KIZ: variants seen among roughly 807,000 people sequenced by gnomAD.
KIZ encodes the protein kizuna centrosomal protein.
KIZ carries 68 observed loss-of-function variants against 79.6 expected under a neutral mutation model. That is an observed-to-expected ratio of 0.85 (90% CI 0.70 to 1.05). KIZ has a LOEUF of 1.05. Among genes scored for constraint, KIZ ranks in the 50% least tolerant of loss-of-function variants. The pLI is 0.00. For synonymous variants in KIZ, 280 were observed against 281.8 expected, an observed-to-expected ratio of 0.99 and a Z score of 0.06; for missense variants, 797 against 800.4, an observed-to-expected ratio of 1.00 and a Z score of 0.05.
intron 3 of KIZ, among the ~76,000 whole-genome samples, chr20:21,136,813 A>G (rs1486305929): frequency 1.3e-5 from 2 of 152,206 alleles, no homozygotes; most frequent in African/African-American, 4.8e-5. Context: ...TAAAATGAGA[A>G]ATAATGAGTA....
At chr20:21,164,989 T>A (rs1029047901) in intron 6 of KIZ, among the ~76,000 whole-genome samples, 10 of 152,178 alleles carry the variant, frequency 6.6e-5, no homozygotes, top group African/African-American at 2.4e-4. Context: ...ACATCACCAC[T>A]GCATTTGAGG....
Position 21,214,542 on chromosome 20 carries a change from C to T in KIZ, c.1454C>T (p.Ala485Val). ...TTTTTTGAAACACTGTAGGCAACAG[C>T]ATTATTGAGAAAAGCCCTTACAGAA... ...HDNSVKEEAT[A>V]LLRKALTEEC... Residue 485 changes from alanine to valine, a missense_variant, in exon 8 of 13, where the codon GCA (alanine) becomes GTA (valine). By Grantham distance (64) the Ala-to-Val change is moderately conservative (BLOSUM62 0). Transcript: ENST00000619189. The T allele has an allele frequency of 1.2e-6, 2 of 1,612,510 alleles. No homozygotes were observed. Among genetic ancestry groups the T allele is most frequent in the Admixed American group, 1.7e-5 (1 of 59,960 alleles).
chr20:21,159,493 G>A (rs1000452857), intron 4 of KIZ, among the ~76,000 whole-genome samples: 5 of 151,860 alleles, frequency 3.3e-5, no homozygotes, highest in South Asian at 2.1e-4. Context: ...ACCTCCCCCC[G>A]ATTCCTTCTA....
chr20:21,175,128 C>G (rs1316928453), intron 6 of KIZ, among the ~76,000 whole-genome samples: 1 of 152,206 alleles, frequency 6.6e-6, no homozygotes, highest in African/African-American at 2.4e-5. Context: ...CAAAGTAAGG[C>G]TATGCATTAT....
intron 9 of KIZ, among the ~76,000 whole-genome samples, chr20:21,221,101 G>T (rs2036489334): frequency 6.6e-6 from 1 of 152,118 alleles, no homozygotes; most frequent in Admixed American, 6.5e-5. Context: ...AAACACTCAG[G>T]CCATGAGGAA....
At chr20:21,184,734 C>T (rs1358307836) in intron 6 of KIZ, among the ~76,000 whole-genome samples, 1 of 152,154 alleles carries the variant, frequency 6.6e-6, no homozygotes, top group Non-Finnish European at 1.5e-5. Flanking sequence ...GAAAGTTAAG[C>T]AGGAAATAAG....
At chr20:21,165,032 C>T (rs987513185) in intron 6 of KIZ, among the ~76,000 whole-genome samples, 12 of 152,246 alleles carry the variant, frequency 7.9e-5, no homozygotes, top group South Asian at 2.1e-4. Flanking sequence ...GTTTAACTGG[C>T]GCTCTTCTCC....
chr20:21,156,057 C>G (rs147757212), intron 4 of KIZ, among the ~76,000 whole-genome samples: 2 of 152,178 alleles, frequency 1.3e-5, no homozygotes, highest in Non-Finnish European at 2.9e-5. Flanking sequence ...TTCCTCAGTA[C>G]TGGGGGGTTA....
intron 4 of KIZ, among the ~76,000 whole-genome samples, chr20:21,153,046 C>T (rs755524772): frequency 5.6e-4 from 85 of 152,254 alleles, no homozygotes; most frequent in Non-Finnish European, 9.6e-4. Context: ...CATTGGAGTC[C>T]TGGTATCTGA....
At chr20:21,246,340 C>T in intron 12 of KIZ, 139 bp from the exon 13 acceptor site, 2 of 652,742 alleles carry the variant, frequency 3.1e-6, no homozygotes, top group Non-Finnish European at 5.5e-6. Context: ...TGTGTCTGGT[C>T]AGGTACATCA....
rs558783407 is a variant in KIZ, at chr20:21,130,451, G to T, written c.90-1646G>T. 1.1e-4 allele frequency among the ~76,000 whole-genome samples: 17 copies of T among 152,224 alleles called. No homozygotes were observed. In the South Asian group the frequency reaches 3.3e-3, roughly 30 times the overall value. On this transcript the variant is annotated intron_variant, in intron 1 of 12. Coordinates refer to ENST00000619189, the MANE Select transcript of KIZ (RefSeq NM_018474.6). Reference sequence around the variant, plus strand: ...CAGTCATTCATTCTGCATGAACCAAGTACCCAATTGATCATGAAACTCTAG... The same window carrying T: ...CAGTCATTCATTCTGCATGAACCAATTACCCAATTGATCATGAAACTCTAG...
At chr20:21,145,522 T>C in intron 3 of KIZ, 43 bp from the exon 4 acceptor site, 1 of 970,470 alleles carries the variant, frequency 1.0e-6, no homozygotes, top group Non-Finnish European at 1.6e-6. Context: ...AGGTGCTAGT[T>C]GTAAAAATAT....
At chr20:21,128,738 T>TA (rs1446412235) in intron 1 of KIZ, among the ~76,000 whole-genome samples, 2 of 152,216 alleles carry the variant, frequency 1.3e-5, no homozygotes, top group African/African-American at 4.8e-5. Context: ...AATTGGCTCT[T>TA]ACGGTTATAC....
At chr20:21,149,253 C>A (rs969256160) in intron 4 of KIZ, among the ~76,000 whole-genome samples, 1 of 152,138 alleles carries the variant, frequency 6.6e-6, no homozygotes, top group East Asian at 1.9e-4. Context: ...ATGGGTAGCT[C>A]TTCAAAAGTT....
intron 6 of KIZ, among the ~76,000 whole-genome samples, chr20:21,182,178 G>A (rs891592105): frequency 6.6e-6 from 1 of 152,154 alleles, no homozygotes; most frequent in Non-Finnish European, 1.5e-5. Context: ...AGGTCAGGAA[G>A]GTAGGGCTGT....
chr20:21,211,413 T>C (rs1005809949), intron 7 of KIZ, among the ~76,000 whole-genome samples: 1 of 152,228 alleles, frequency 6.6e-6, no homozygotes, highest in African/African-American at 2.4e-5. Context: ...TCGTACTGAC[T>C]TAGCCTTCAG....
chr20:21,142,637 G>C (rs538926341), intron 3 of KIZ, among the ~76,000 whole-genome samples: 2 of 151,962 alleles, frequency 1.3e-5, no homozygotes, highest in South Asian at 4.2e-4. Flanking sequence ...CAAAAAAATA[G>C]AAAAAATTAG....
At chr20:21,133,909 G>A (rs1040115071) in intron 2 of KIZ, among the ~76,000 whole-genome samples, 7 of 152,236 alleles carry the variant, frequency 4.6e-5, no homozygotes, top group African/African-American at 1.7e-4. Flanking sequence ...GAAAGGAGAT[G>A]GGGCTGTATT....
At chr20:21,214,346 A>G (rs1227352027) in intron 7 of KIZ, among the ~76,000 whole-genome samples, 189 bp from the exon 8 acceptor site, 1 of 152,216 alleles carries the variant, frequency 6.6e-6, no homozygotes, top group East Asian at 1.9e-4. Context: ...CTTGTAAAGA[A>G]TTAGATTATA....
Sources: allele counts gnomAD v4.1 joint callset (sites outside exome capture counted in the v4.1 genomes callset), GRCh38; gene constraint gnomAD v4.1.1; transcripts MANE v1.5; gene names NCBI Gene and HGNC (gene_info 2026-07-23, HGNC 2026-07-21).